The following CNTN6 variants were observed in gnomAD, a reference collection of about 807,000 sequenced individuals.
CNTN6 encodes contactin 6, also known as contactin-6.
In CNTN6, 137 loss-of-function variants were observed where a neutral mutation model predicts 122.8. That is an observed-to-expected ratio of 1.12 (90% CI 0.97 to 1.29). CNTN6 has a LOEUF of 1.29. Ranked by LOEUF, CNTN6 falls within the 50% of genes most tolerant of loss-of-function variation. CNTN6 has a pLI of 0.00. For synonymous variants in CNTN6, 570 were observed against 426.0 expected (o/e 1.34, Z -4.16); for missense variants, 1,634 against 1,223.4 (o/e 1.34, Z -5.01).
At chr3:1,246,252 T>G (rs1232878094) in intron 4 of CNTN6, among the ~76,000 whole-genome samples, 1 of 152,174 alleles carries the variant, frequency 6.6e-6, no homozygotes, top group East Asian at 1.9e-4. Context: ...CTTGTGAATT[T>G]GTAATTATTA....
rs1692802460 is a variant in CNTN6, at chr3:1,278,442, A to G, written c.388A>G (p.Ser130Gly). The G allele has an allele frequency of 6.2e-7, 1 of 1,608,942 alleles. No homozygotes were observed. Among genetic ancestry groups the G allele is most frequent in the Non-Finnish European group, 8.5e-7 (1 of 1,176,562 alleles). Residue 130 changes from serine to glycine, a missense_variant, in exon 5 of 23, where the codon AGC (serine) becomes GGC (glycine). Coordinates refer to ENST00000446702, the MANE Select transcript of CNTN6 (RefSeq NM_001289080.2). ...TGAAGACTTTGAAACTAAAACAAGA[A>G]GCACAGTATCTGTCCGAGAAGGTCA... The part of the protein sequence containing the change: ...YIEDFETKTR[S>G]TVSVREGQGV...
chr3:1,139,861 G>A (rs771097933), intron 1 of CNTN6, among the ~76,000 whole-genome samples: 11 of 152,192 alleles, frequency 7.2e-5, no homozygotes, highest in Admixed American at 1.3e-4. Context: ...ATGACTGGTT[G>A]AAACATGGCT....
intron 7 of CNTN6, among the ~76,000 whole-genome samples, chr3:1,318,656 A>G (rs972417854): frequency 6.6e-6 from 1 of 151,750 alleles, no homozygotes; most frequent in South Asian, 2.1e-4. Flanking sequence ...ATTTGATTCA[A>G]TCCTATAGCT....
At chr3:1,245,235 TACACACAC>T (rs1197365732) in intron 4 of CNTN6, among the ~76,000 whole-genome samples, 1 of 6,928 alleles carries the variant, frequency 1.4e-4, no homozygotes, top group Non-Finnish European at 2.4e-4. Flanking sequence ...TATATATATA[TACACACAC>T]ACATATATAT....
intron 4 of CNTN6, among the ~76,000 whole-genome samples, chr3:1,268,586 G>A (rs1174586232): frequency 8.4e-6 from 1 of 119,596 alleles, no homozygotes; most frequent in Non-Finnish European, 1.7e-5. Flanking sequence ...CAGCCTGGGC[G>A]ACAGAGCGAG....
chr3:1,364,021 A>AT (rs1348152938), intron 12 of CNTN6, among the ~76,000 whole-genome samples: 1 of 151,862 alleles, frequency 6.6e-6, no homozygotes, highest in East Asian at 1.9e-4. Flanking sequence ...TGTTGAGCAC[A>AT]TTTTCACATA....
At chr3:1,307,729 AG>A in intron 7 of CNTN6, among the ~76,000 whole-genome samples, 1 of 152,080 alleles carries the variant, frequency 6.6e-6, no homozygotes. Flanking sequence ...GACAGTTTTG[AG>A]GGGTGGTGGT....
chr3:1,387,829 C>T (rs1316770072), intron 20 of CNTN6, among the ~76,000 whole-genome samples: 1 of 151,940 alleles, frequency 6.6e-6, no homozygotes, highest in Admixed American at 6.5e-5. Context: ...GGGTCACTCC[C>T]ACCCGAATAT....
At chr3:1,244,510 T>A (rs2094532272) in intron 4 of CNTN6, among the ~76,000 whole-genome samples, 1 of 145,094 alleles carries the variant, frequency 6.9e-6, no homozygotes, top group Non-Finnish European at 1.5e-5. Context: ...GAGGGGTACT[T>A]GGCCCTGCCC....
At chr3:1,200,926 T>A (rs1046496202) in intron 2 of CNTN6, among the ~76,000 whole-genome samples, 4 of 120,102 alleles carry the variant, frequency 3.3e-5, no homozygotes, top group Admixed American at 3.1e-4. Flanking sequence ...TCTTTCGTTC[T>A]TTTTTTCTTT....
At chr3:1,340,975 C>T (rs912886218) in intron 11 of CNTN6, among the ~76,000 whole-genome samples, 3 of 152,076 alleles carry the variant, frequency 2.0e-5, no homozygotes, top group Non-Finnish European at 2.9e-5. Flanking sequence ...ATCTGTCTAT[C>T]CCAAAGCTTT....
At chr3:1,337,960 C>T (rs1703308609) in intron 11 of CNTN6, among the ~76,000 whole-genome samples, 1 of 152,086 alleles carries the variant, frequency 6.6e-6, no homozygotes, top group Non-Finnish European at 1.5e-5. Flanking sequence ...TCACACAGTG[C>T]CTGCAGAACC....
intron 20 of CNTN6, among the ~76,000 whole-genome samples, chr3:1,397,227 AG>A (rs763704772): frequency 4.1e-4 from 63 of 152,182 alleles, no homozygotes; most frequent in Non-Finnish European, 5.1e-4. Context: ...CAAGAAAAAA[AG>A]ACAAATGAAT....
At chr3:1,367,420 C>G (rs1350741443) in intron 12 of CNTN6, among the ~76,000 whole-genome samples, 1 of 152,012 alleles carries the variant, frequency 6.6e-6, no homozygotes, top group African/African-American at 2.4e-5. Flanking sequence ...CATGGACATA[C>G]AATCCAGTCA....
intron 4 of CNTN6, among the ~76,000 whole-genome samples, chr3:1,233,808 A>T (rs1034724367): frequency 1.3e-5 from 2 of 151,620 alleles, no homozygotes; most frequent in African/African-American, 4.9e-5. Flanking sequence ...AGTCTGACAT[A>T]TTAATGATAT....
chr3:1,131,841 C>T (rs1243969939), intron 1 of CNTN6, among the ~76,000 whole-genome samples: 1 of 151,946 alleles, frequency 6.6e-6, no homozygotes, highest in Non-Finnish European at 1.5e-5. Flanking sequence ...ACTTGGAGTG[C>T]CTGCGGGATG....
At chr3:1,268,930 A>C (rs959151039) in intron 4 of CNTN6, among the ~76,000 whole-genome samples, 3 of 151,732 alleles carry the variant, frequency 2.0e-5, no homozygotes, top group Non-Finnish European at 4.4e-5. Context: ...ACAGTGAGCT[A>C]TGATCAAGCC....
At chr3:1,369,503 T>G (rs1708692435) in intron 12 of CNTN6, among the ~76,000 whole-genome samples, 1 of 151,900 alleles carries the variant, frequency 6.6e-6, no homozygotes, top group African/African-American at 2.4e-5. Context: ...GTGAAAAATG[T>G]AACCATTATA....
intron 11 of CNTN6, among the ~76,000 whole-genome samples, chr3:1,345,131 T>G (rs1704476671): frequency 6.6e-6 from 1 of 152,076 alleles, no homozygotes; most frequent in South Asian, 2.1e-4. Context: ...TTTTTTTTTT[T>G]TTTGAGACAG....
Sources: allele counts gnomAD v4.1 joint callset (sites outside exome capture counted in the v4.1 genomes callset), GRCh38; gene constraint gnomAD v4.1.1; transcripts MANE v1.5; gene names NCBI Gene and HGNC (gene_info 2026-07-23, HGNC 2026-07-21).